RARB: variants seen among roughly 807,000 people sequenced by gnomAD.
RARB encodes retinoic acid receptor beta.
RARB carries 17 observed loss-of-function variants against 51.9 expected under a neutral mutation model. That is an observed-to-expected ratio of 0.33 (90% CI 0.22 to 0.49). The LOEUF (loss-of-function observed/expected upper bound fraction) is 0.49. Ranked by LOEUF, RARB falls within the 20% of genes least tolerant of loss-of-function variation. The probability of loss-of-function intolerance (pLI) is 0.99; values close to 1 mark genes in which losing one functional copy is unlikely to be tolerated. For synonymous variants in RARB, 215 were observed against 195.4 expected (o/e 1.10, Z -0.84); for missense variants, 369 against 550.8 (o/e 0.67, Z 3.30).
intron 2 of RARB, among the ~76,000 whole-genome samples, chr3:25,042,789 A>G (rs1031829698): frequency 3.5e-4 from 53 of 152,300 alleles, no homozygotes; most frequent in African/African-American, 1.1e-3. Context: ...AAGTTTTTCA[A>G]TTCTTTTAAG....
chr3:25,217,968 TTCTC>T (rs1367213817), intron 5 of RARB, among the ~76,000 whole-genome samples: 2 of 152,190 alleles, frequency 1.3e-5, no homozygotes, highest in African/African-American at 4.8e-5. Flanking sequence ...ATCCATATGG[TTCTC>T]TCTTTTTTTA....
intron 5 of RARB, among the ~76,000 whole-genome samples, chr3:25,297,779 AG>A (rs1198117093): frequency 6.6e-6 from 1 of 152,164 alleles, no homozygotes; most frequent in East Asian, 1.9e-4. Context: ...AATCATTGGA[AG>A]AACATTTATC....
chr3:25,068,176 A>AAAAAC (rs1698701231), intron 3 of RARB, among the ~76,000 whole-genome samples: 1 of 122,152 alleles, frequency 8.2e-6, no homozygotes, highest in African/African-American at 3.0e-5. Context: ...AAAAAAAAAA[A>AAAAAC]TCTTAAGGAT....
At chr3:25,545,537 C>G (rs775622711) in intron 3 of RARB, among the ~76,000 whole-genome samples, 1 of 152,170 alleles carries the variant, frequency 6.6e-6, no homozygotes, top group Non-Finnish European at 1.5e-5. Flanking sequence ...AACGTTCACC[C>G]GCTCTCCACT....
intron 2 of RARB, among the ~76,000 whole-genome samples, chr3:25,027,864 GGCAGGGT>G (rs1159672692): frequency 1.3e-5 from 2 of 152,120 alleles, no homozygotes; most frequent in Admixed American, 6.6e-5. Context: ...ACTACATCAT[GGCAGGGT>G]GCCTGGTTGC....
At chr3:25,335,249 T>C (rs116788560) in intron 5 of RARB, among the ~76,000 whole-genome samples, 5,971 of 148,006 alleles carry the variant, frequency 0.04, 164 homozygotes, top group Middle Eastern at 0.066. Context: ...TAAGCAGCAG[T>C]TATCACTCTC....
intron 5 of RARB, chr3:25,258,943 T>A: frequency 1.4e-6 from 1 of 738,616 alleles, no homozygotes; most frequent in Non-Finnish European, 1.7e-6. Context: ...GCACTAACTT[T>A]CAACACCACC....
At chr3:25,046,201 C>T (rs1455334854) in intron 2 of RARB, among the ~76,000 whole-genome samples, 1 of 152,162 alleles carries the variant, frequency 6.6e-6, no homozygotes, top group African/African-American at 2.4e-5. Flanking sequence ...GGCCTGAGCA[C>T]CCCCTAGAAA....
In RARB at chr3:25,105,554, G is replaced by T. The variant is rs73141482; in HGVS notation, c.-327-26607G>T. ...CTTGGCCTTTATCTTGTGAATAATGGATTCAGCTGTTTATAGGTGTCAGTG... is the reference window on the plus strand; with the variant it reads ...CTTGGCCTTTATCTTGTGAATAATGTATTCAGCTGTTTATAGGTGTCAGTG... On this transcript the variant is annotated intron_variant, in intron 3 of 11. Coordinates refer to the RARB transcript ENST00000383772. Among the ~76,000 whole-genome samples, 1,253 of 152,204 alleles carry T rather than the reference G, an allele frequency of 8.2e-3. 15 individuals are homozygous for T. The highest frequency in any genetic ancestry group is 0.029 in the African/African-American group (1,185 of 41,544).
rs151152893 is a variant in RARB, at chr3:25,093,017, C to T, written c.-328+32841C>T. On this transcript the variant is annotated intron_variant, in intron 3 of 11. Coordinates refer to the RARB transcript ENST00000383772. ...TCCACTAAATGCCATTCCATCCCTACTTAGAGCACAGGTGTTGCTTACAAT... is the reference window on the plus strand; with the variant it reads ...TCCACTAAATGCCATTCCATCCCTATTTAGAGCACAGGTGTTGCTTACAAT... 4.1e-4 allele frequency among the ~76,000 whole-genome samples: 63 copies of T among 152,258 alleles called. 1 individual carries two copies. The highest frequency in any genetic ancestry group is 3.8e-3 in the Admixed American group (58 of 15,290).
intron 5 of RARB, among the ~76,000 whole-genome samples, chr3:25,228,305 C>T (rs1253197820): frequency 7.4e-6 from 1 of 135,768 alleles, no homozygotes; most frequent in Admixed American, 7.9e-5. Context: ...TCTTGTATTA[C>T]TTTCATTGAT....
intron 2 of RARB, among the ~76,000 whole-genome samples, chr3:24,902,763 G>A (rs1703635781): frequency 1.3e-5 from 2 of 152,052 alleles, no homozygotes; most frequent in Non-Finnish European, 2.9e-5. Flanking sequence ...TACCTTTCTT[G>A]GTAAAAATGA....
chr3:25,302,361 C>A (rs144302023), intron 5 of RARB, among the ~76,000 whole-genome samples: 1,789 of 152,214 alleles, frequency 0.012, 41 homozygotes, highest in African/African-American at 0.041. Context: ...GTAAATAACC[C>A]AAATATTCAA....
At chr3:24,961,863 A>G (rs1484030588) in intron 2 of RARB, among the ~76,000 whole-genome samples, 1 of 147,228 alleles carries the variant, frequency 6.8e-6, no homozygotes, top group Non-Finnish European at 1.5e-5. Flanking sequence ...TGGTTTTCTT[A>G]TAAGTGCGTA....
At chr3:25,103,677 A>C (rs1699446141) in intron 3 of RARB, among the ~76,000 whole-genome samples, 1 of 152,234 alleles carries the variant, frequency 6.6e-6, no homozygotes, top group Non-Finnish European at 1.5e-5. Context: ...TTTTCTAGAG[A>C]TGAAATAACT....
intron 3 of RARB, among the ~76,000 whole-genome samples, chr3:25,125,127 T>G (rs143154247): frequency 8.0e-4 from 122 of 152,302 alleles, no homozygotes; most frequent in African/African-American, 2.8e-3. Flanking sequence ...AAATATTGAT[T>G]TTTTTCTAGA....
chr3:25,278,452 C>T (rs1052276422), intron 5 of RARB, among the ~76,000 whole-genome samples: 5 of 152,148 alleles, frequency 3.3e-5, no homozygotes, highest in Admixed American at 2.6e-4. Flanking sequence ...CCTTATAGAA[C>T]ATGTGGTCTA....
chr3:25,127,038 A>C (rs1265731972), intron 3 of RARB, among the ~76,000 whole-genome samples: 1 of 151,402 alleles, frequency 6.6e-6, no homozygotes, highest in Non-Finnish European at 1.5e-5. Flanking sequence ...CTGCCACACC[A>C]CTCCAGTCAG....
chr3:25,436,008 A>G (rs900036920), intron 1 of RARB, among the ~76,000 whole-genome samples: 1 of 152,180 alleles, frequency 6.6e-6, no homozygotes, highest in African/African-American at 2.4e-5. Context: ...GAAGTAAATT[A>G]CCGGTTCCAT....
Sources: gnomAD v4.1 joint callset for allele counts (sites outside exome capture counted in the v4.1 genomes callset) on GRCh38, gnomAD v4.1.1 for gene constraint, MANE v1.5 for transcripts, NCBI Gene and HGNC (gene_info 2026-07-23, HGNC 2026-07-21) for gene names.